The following MCM9 variants were observed in gnomAD, a reference collection of about 807,000 sequenced individuals.
The protein encoded by MCM9 is DNA helicase MCM9.
Under a neutral mutation model 72.8 loss-of-function variants are expected in MCM9, and 55 were observed. That is an observed-to-expected ratio of 0.76 (90% CI 0.61 to 0.95). MCM9 has a LOEUF of 0.95. MCM9 is among the 40% of genes least tolerant of loss of function. The probability of loss-of-function intolerance (pLI) is 0.00; values close to 1 mark genes in which losing one functional copy is unlikely to be tolerated. For synonymous variants in MCM9, 480 were observed against 503.4 expected (o/e 0.95, Z 0.62); for missense variants, 1,279 against 1,377.0 (o/e 0.93, Z 1.13).
At chr6:118,887,358 G>C (rs955141322) in intron 8 of MCM9, among the ~76,000 whole-genome samples, 1 of 152,130 alleles carries the variant, frequency 6.6e-6, no homozygotes, top group Non-Finnish European at 1.5e-5. Flanking sequence ...TTCTGAGAAA[G>C]GTTCCAAGCC....
At chr6:118,921,949 T>G in intron 5 of MCM9, 56 bp downstream of exon 5, 1 of 1,361,458 alleles carries the variant, frequency 7.3e-7, no homozygotes, top group South Asian at 1.3e-5. Context: ...TGGCTTTTCC[T>G]AATCAATACT....
intron 9 of MCM9, among the ~76,000 whole-genome samples, chr6:118,850,929 C>A (rs1319718417): frequency 2.0e-5 from 3 of 151,698 alleles, no homozygotes; most frequent in Non-Finnish European, 4.4e-5. Flanking sequence ...GGTTCAAGGG[C>A]CTCCTCAGCC....
intron 9 of MCM9, among the ~76,000 whole-genome samples, chr6:118,837,183 T>C (rs979783558): frequency 6.6e-6 from 1 of 152,210 alleles, no homozygotes; most frequent in Non-Finnish European, 1.5e-5. Flanking sequence ...TTTGAATGAG[T>C]TTCTTAATCC....
rs534472483 is a variant in MCM9, at chr6:118,813,685, C to T, written c.*1139G>A. Reference sequence around the variant, plus strand: ...GTCCATAATTACTGAATCCTAATAACCCTTATTAGAATCCAAAGGAATAAG... The same window carrying T: ...GTCCATAATTACTGAATCCTAATAATCCTTATTAGAATCCAAAGGAATAAG... On this transcript the variant is annotated 3_prime_UTR_variant, in exon 14 of 14. Coordinates refer to ENST00000619706, the MANE Select transcript of MCM9 (RefSeq NM_017696.3). 26 of 152,230 alleles carry T rather than the reference C, an allele frequency of 1.7e-4. No homozygotes were observed. The highest frequency in any genetic ancestry group is 7.9e-4 in the Admixed American group (12 of 15,284). The allele number at this position is 152,230 out of a possible 1,614,324, so 9.4% of individuals were successfully genotyped here. A position where few individuals can be genotyped will look rare whatever the true frequency, so the allele number is the denominator to read the frequency against.
intron 8 of MCM9, among the ~76,000 whole-genome samples, chr6:118,882,861 G>A (rs557616213): frequency 1.3e-5 from 2 of 152,190 alleles, no homozygotes; most frequent in East Asian, 3.9e-4. Flanking sequence ...AGGCCTGGAG[G>A]AGAATTAATA....
At chr6:118,867,989 T>C (rs886308312) in intron 8 of MCM9, among the ~76,000 whole-genome samples, 2 of 151,102 alleles carry the variant, frequency 1.3e-5, no homozygotes, top group African/African-American at 4.9e-5. Context: ...CAATTCTCCT[T>C]CCTCAGCCTC....
intron 3 of MCM9, among the ~76,000 whole-genome samples, chr6:118,928,941 C>A (rs764876500): frequency 1.3e-5 from 2 of 151,782 alleles, no homozygotes; most frequent in Non-Finnish European, 2.9e-5. Flanking sequence ...TAATTCTGGC[C>A]GGGCACCATG....
intron 9 of MCM9, among the ~76,000 whole-genome samples, chr6:118,853,348 C>G (rs1426925825): frequency 6.6e-6 from 1 of 152,144 alleles, no homozygotes; most frequent in Non-Finnish European, 1.5e-5. Flanking sequence ...CGTAAGTCCT[C>G]CAAATTTGTT....
intron 8 of MCM9, among the ~76,000 whole-genome samples, chr6:118,897,904 G>GC (rs1253552830): frequency 6.6e-6 from 1 of 152,058 alleles, no homozygotes; most frequent in Non-Finnish European, 1.5e-5. Context: ...ACTGTAGCAA[G>GC]CATCCCATAA....
chr6:118,902,225 C>A (rs774367630), intron 8 of MCM9, among the ~76,000 whole-genome samples: 22 of 152,146 alleles, frequency 1.4e-4, no homozygotes, highest in Non-Finnish European at 2.8e-4. Flanking sequence ...ATCCCGACAC[C>A]TCTGTATTAG....
chr6:118,822,943 AC>A (rs1415523595), intron 13 of MCM9, among the ~76,000 whole-genome samples: 2 of 152,174 alleles, frequency 1.3e-5, no homozygotes, highest in East Asian at 3.9e-4. Context: ...AGCCTCAGTA[AC>A]GGGGGACACT....
chr6:118,904,391 G>A (rs1236408196), intron 8 of MCM9, among the ~76,000 whole-genome samples: 1 of 152,208 alleles, frequency 6.6e-6, no homozygotes, highest in Non-Finnish European at 1.5e-5. Context: ...ATTGGCTAAA[G>A]TGCTCATCTA....
At position 118,843,740 on chromosome 6, in the gene MCM9, A is replaced by AATG. The variant is rs1554257167; in HGVS notation, c.1325+12630_1325+12631insCAT. 5.4e-3 allele frequency among the ~76,000 whole-genome samples: 692 copies of AATG among 129,024 alleles called. 17 individuals carry two copies. Among genetic ancestry groups the AATG allele is most frequent in the African/African-American group, 0.02 (641 of 32,262 alleles). The allele number at this position is 129,024 out of a possible 152,430, so 84.6% of individuals were successfully genotyped here. On this transcript the variant is annotated intron_variant, in intron 9 of 13. Transcript: ENST00000619706. ...TATATGTATATATATATATATATAT[A>AATG]TGAGAAATTTCATGTAGCCTTGGAG... is the stretch of plus-strand genomic sequence containing the variant.
At chr6:118,869,210 T>C (rs1437125981) in intron 8 of MCM9, among the ~76,000 whole-genome samples, 1 of 151,676 alleles carries the variant, frequency 6.6e-6, no homozygotes, top group African/African-American at 2.4e-5. Context: ...AACTGAACAA[T>C]GAGAACACTT....
In MCM9 at chr6:118,829,262, G is replaced by A; in HGVS notation, c.1326-12C>T. The stretch of plus-strand genomic sequence containing the variant: ...GCTTGCACACGAGGCTGCCAGGAGA[G>A]ACAGTACAATTCACTGATTGTGAGG... On this transcript the variant is annotated splice_polypyrimidine_tract_variant and intron_variant, in intron 9 of 13. Transcript: ENST00000619706. 1 of 1,543,376 alleles carries A rather than the reference G, an allele frequency of 6.5e-7. No individual in the cohort carries two copies. Among genetic ancestry groups the A allele is most frequent in the Non-Finnish European group, 8.8e-7 (1 of 1,141,570 alleles).
intron 3 of MCM9, among the ~76,000 whole-genome samples, chr6:118,925,261 T>C (rs1781795689): frequency 6.6e-6 from 1 of 152,164 alleles, no homozygotes; most frequent in South Asian, 2.1e-4. Flanking sequence ...GGTTCATGTC[T>C]CCTGTCTTGT....
chr6:118,923,753 G>T, intron 4 of MCM9, 58 bp downstream of exon 4: 1 of 1,436,186 alleles, frequency 7.0e-7, no homozygotes, highest in Non-Finnish European at 9.6e-7. Flanking sequence ...CTCCCAATGT[G>T]CCCATAGCTG....
At chr6:118,874,043 C>T (rs565990263) in intron 8 of MCM9, among the ~76,000 whole-genome samples, 3 of 152,152 alleles carry the variant, frequency 2.0e-5, no homozygotes, top group Admixed American at 6.5e-5. Context: ...TGCTTGAGCC[C>T]AGAAGTTCAA....
Position 118,815,891 on chromosome 6 carries a change from G to C in MCM9, c.2365C>G (p.Pro789Ala), listed in dbSNP as rs539068639. The change falls in exon 14 of 14, where the codon CCA becomes GCA. Residue 789 changes from proline (P) to alanine (A), a missense_variant. Transcript: ENST00000619706. ...STSQGKEKSE[P>A]GQRSKVDIGL... is the part of the protein sequence containing the mutation. ...ATGTCCACTTTGCTCCTTTGGCCTG[G>C]CTCACTCTTCTCCTTACCCTGAGAT... 24 of 1,543,648 alleles carry C rather than the reference G, an allele frequency of 1.6e-5. No homozygotes were observed. The South Asian group carries it at 2.7e-4, about 18-fold the overall frequency.
Sources: gnomAD v4.1 joint callset for allele counts (sites outside exome capture counted in the v4.1 genomes callset) on GRCh38, gnomAD v4.1.1 for gene constraint, MANE v1.5 for transcripts, NCBI Gene and HGNC (gene_info 2026-07-23, HGNC 2026-07-21) for gene names.